Variants in CELF2 observed in about 807,000 individuals in gnomAD.
CELF2 encodes the protein CUG triplet repeat RNA-binding protein 2.
CELF2 carries 8 observed loss-of-function variants against 62.6 expected under a neutral mutation model. The ratio of observed to expected loss-of-function variants is 0.13; its 90% CI spans 0.07 to 0.23. CELF2 has a LOEUF of 0.23. Among genes scored for constraint, CELF2 ranks in the 10% least tolerant of loss-of-function variants. CELF2 has a pLI of 1.00. For synonymous variants in CELF2, 258 were observed against 250.0 expected (o/e 1.03, Z -0.30); for missense variants, 333 against 671.0 (o/e 0.50, Z 5.56).
intron 3 of CELF2, among the ~76,000 whole-genome samples, chr10:11,245,058 A>T (rs553462574): frequency 6.6e-6 from 1 of 152,192 alleles, no homozygotes; most frequent in Admixed American, 6.5e-5. Context: ...CCCAGCATCT[A>T]ACATATAGTG....
the CELF2 span, among the ~76,000 whole-genome samples, chr10:10,761,954 G>GTGTGTGTGTA: frequency 7.8e-4 from 111 of 141,560 alleles, no homozygotes; most frequent in Middle Eastern, 3.8e-3. Context: ...GTGTGTGTGT[G>GTGTGTGTGTA]TAGACAGATA....
Position 11,030,462 on chromosome 10 carries a change from GC to G in CELF2, c.74+12302del, listed in dbSNP as rs2138801282. The G allele has an allele frequency of 2.0e-5, 3 of 152,216 alleles. No individual in the cohort carries two copies. In the South Asian group the frequency reaches 6.2e-4, roughly 32 times the overall value. The allele number at this position is 152,216 out of a possible 1,614,324, so 9.4% of individuals were successfully genotyped here. A position where few individuals can be genotyped will look rare whatever the true frequency, so the allele number is the denominator to read the frequency against. On this transcript the variant is annotated intron_variant, in intron 1 of 12. Coordinates refer to ENST00000633077, the MANE Select transcript of CELF2 (RefSeq NM_001326342.2). ...TGCACCTCTGTTCCTCGTCTCCAAA[GC>G]CCGAGGTCCCACTTCTGTTCCTCAT...
In CELF2 at chr10:11,145,020, C is replaced by A. The variant is rs1303116061; in HGVS notation, c.75-20466C>A. Among the ~76,000 whole-genome samples the A allele has an allele frequency of 6.6e-6, 1 of 151,870 alleles. No individual in the cohort carries two copies. The highest frequency in any genetic ancestry group is 2.4e-5 in the African/African-American group (1 of 41,338). The stretch of plus-strand genomic sequence containing the variant: ...TATTTCTGTGTCGAAGGCAAGGCAG[C>A]TTAATAGAATTTGAATATAACTAAA... On this transcript the variant is annotated intron_variant, in intron 1 of 12. Coordinates refer to ENST00000633077, the MANE Select transcript of CELF2 (RefSeq NM_001326342.2). This position sits in a 1 kb window ranked among gnomAD's most constrained non-coding sequence, Gnocchi z 4.3.
At chr10:10,836,794 C>A (rs1257298609) in intron 1 of CELF2, among the ~76,000 whole-genome samples, 1 of 152,204 alleles carries the variant, frequency 6.6e-6, no homozygotes. Flanking sequence ...TGCCACCACG[C>A]CCGGCTAATT....
intron 2 of CELF2, chr10:11,171,521 T>C (rs1010414836): frequency 3.3e-5 from 5 of 152,816 alleles, no homozygotes; most frequent in African/African-American, 9.6e-5. Context: ...TGCTGGGGAA[T>C]GAACAGGAAG....
At chr10:11,175,835 G>A (rs1370620514) in intron 2 of CELF2, among the ~76,000 whole-genome samples, 1 of 152,194 alleles carries the variant, frequency 6.6e-6, no homozygotes, top group Non-Finnish European at 1.5e-5. Context: ...TGCCTACTGT[G>A]TGCAAGGCAT....
At chr10:10,986,527 G>T (rs1380851604) in intron 2 of CELF2, among the ~76,000 whole-genome samples, 1 of 152,188 alleles carries the variant, frequency 6.6e-6, no homozygotes. Context: ...GTTAGGTATT[G>T]ATACCCAATT....
At chr10:10,906,710 T>C (rs2063365710) in intron 1 of CELF2, among the ~76,000 whole-genome samples, 1 of 120,312 alleles carries the variant, frequency 8.3e-6, no homozygotes, top group South Asian at 3.1e-4. Context: ...CTTTTTCTTT[T>C]TCTTTTCTTT....
the CELF2 span, among the ~76,000 whole-genome samples, chr10:10,487,739 T>C: frequency 2.0e-5 from 3 of 152,196 alleles, no homozygotes; most frequent in African/African-American, 7.2e-5. Context: ...TCCACATTTA[T>C]ACCAAATTAA....
At chr10:10,719,881 G>A in the CELF2 span, among the ~76,000 whole-genome samples, 1 of 152,208 alleles carries the variant, frequency 6.6e-6, no homozygotes, top group Non-Finnish European at 1.5e-5. Flanking sequence ...GGGGATTAGA[G>A]CAATTCATAA....
At chr10:11,027,798 TCTCA>T in intron 1 of CELF2, among the ~76,000 whole-genome samples, 1 of 152,256 alleles carries the variant, frequency 6.6e-6, no homozygotes, top group Middle Eastern at 3.4e-3. Context: ...CTACTTCAAG[TCTCA>T]GTTGACTTGT....
chr10:10,981,583 A>G lies in CELF2; in HGVS notation c.89+61584A>G, dbSNP rs553129820. On this transcript the variant is annotated intron_variant, in intron 2 of 13. Transcript: ENST00000636488. ...ATCGTCCATGCATGCTTTATTTCCAATGAAACTCAGAGGAAATAGGTATTT... is the reference window on the plus strand; with the variant it reads ...ATCGTCCATGCATGCTTTATTTCCAGTGAAACTCAGAGGAAATAGGTATTT... Among the ~76,000 whole-genome samples the G allele has an allele frequency of 8.5e-4, 129 of 152,330 alleles. 2 individuals are homozygous for G. Among genetic ancestry groups the G allele is most frequent in the South Asian group, 2.1e-3 (10 of 4,822 alleles).
At chr10:10,991,982 TTGAG>T (rs946978084) in intron 2 of CELF2, among the ~76,000 whole-genome samples, 4 of 152,208 alleles carry the variant, frequency 2.6e-5, no homozygotes, top group South Asian at 2.1e-4. Context: ...CAAACATTTA[TTGAG>T]TATCTACTGT....
At chr10:11,325,560 G>C (rs1168974086) in intron 11 of CELF2, among the ~76,000 whole-genome samples, 1 of 152,218 alleles carries the variant, frequency 6.6e-6, no homozygotes, top group East Asian at 1.9e-4. Flanking sequence ...CCATGAAAAG[G>C]TGACTGAAAT....
chr10:11,202,945 CTCTCTCTG>C (rs1236021601), intron 2 of CELF2, among the ~76,000 whole-genome samples: 716 of 71,322 alleles, frequency 0.01, 3 homozygotes, highest in African/African-American at 0.024. Flanking sequence ...CTCTCTCTCT[CTCTCTCTG>C]TGTGTGTGTG....
chr10:10,502,033 T>C, the CELF2 span, among the ~76,000 whole-genome samples: 7 of 152,164 alleles, frequency 4.6e-5, no homozygotes, highest in Admixed American at 4.6e-4. Context: ...GATTTTTCTT[T>C]TTTATTCTGC....
chr10:10,989,547 A>G (rs2053198751), intron 2 of CELF2, among the ~76,000 whole-genome samples: 1 of 152,128 alleles, frequency 6.6e-6, no homozygotes, highest in Non-Finnish European at 1.5e-5. Flanking sequence ...ATGAACCAAA[A>G]TACATCGTGA....
At position 10,979,768 on chromosome 10, in the gene CELF2, C is replaced by T. The variant is rs77767851; in HGVS notation, c.89+59769C>T. On this transcript the variant is annotated intron_variant, in intron 2 of 13. Transcript: ENST00000636488. The stretch of plus-strand genomic sequence containing the variant: ...GGAGCGAATCAAAGTTGACAATGCC[C>T]GTAAGAGCAGACCTCAGTCAGAACA... Among the ~76,000 whole-genome samples, 1,225 of 152,024 alleles carry T rather than the reference C, an allele frequency of 8.1e-3. 14 individuals carry two copies. Among genetic ancestry groups the T allele is most frequent in the African/African-American group, 0.028 (1,145 of 41,438 alleles).
intron 1 of CELF2, among the ~76,000 whole-genome samples, chr10:11,022,264 G>C (rs1291061484): frequency 6.6e-6 from 1 of 152,168 alleles, no homozygotes; most frequent in Admixed American, 6.5e-5. Flanking sequence ...GCTGCTTTCC[G>C]AGAGGAAGAA....
Sources: allele counts gnomAD v4.1 joint callset (sites outside exome capture counted in the v4.1 genomes callset), GRCh38; gene constraint gnomAD v4.1.1; non-coding constraint Gnocchi (gnomAD v3.1); transcripts MANE v1.5; gene names NCBI Gene and HGNC (gene_info 2026-07-23, HGNC 2026-07-21).